The following METAP1D variants were observed in gnomAD, a reference collection of about 807,000 sequenced individuals.
METAP1D encodes methionine aminopeptidase 1D, mitochondrial.
In METAP1D, 31 loss-of-function variants were observed where a neutral mutation model predicts 40.5. That is an observed-to-expected ratio of 0.77 (90% CI 0.58 to 1.03). The LOEUF (loss-of-function observed/expected upper bound fraction) is 1.03, where lower values mean the gene tolerates loss of function less well. Ranked by LOEUF, METAP1D falls within the 50% of genes least tolerant of loss-of-function variation. METAP1D has a pLI of 0.00. For missense variants in METAP1D, 411 were observed against 420.7 expected, an observed-to-expected ratio of 0.98 and a Z score of 0.20; for synonymous variants, 151 against 146.4, an observed-to-expected ratio of 1.03 and a Z score of -0.22.
chr2:172,059,570 G>A (rs1454307492), intron 1 of METAP1D, among the ~76,000 whole-genome samples: 1 of 152,072 alleles, frequency 6.6e-6, no homozygotes, highest in Non-Finnish European at 1.5e-5. Flanking sequence ...TTTTATTTAT[G>A]GGCACCAAGA....
intron 1 of METAP1D, among the ~76,000 whole-genome samples, chr2:172,032,393 G>A (rs1004959037): frequency 1.3e-5 from 2 of 152,104 alleles, no homozygotes; most frequent in African/African-American, 4.8e-5. Context: ...AAATCATTTA[G>A]ATAGAAATAG....
rs779993475 is a variant in METAP1D at position 172,080,320 on chromosome 2, T to A, written c.930-8T>A. The A allele has an allele frequency of 6.2e-7, 1 of 1,614,110 alleles. No individual in the cohort carries two copies. Among genetic ancestry groups the A allele is most frequent in the East Asian group, 2.2e-5 (1 of 44,888 alleles). ...TGCGCGTTCTGACGGCTGGGTGCTG[T>A]GTTACAGGTCGGCGCAGTTCGAGCA... On this transcript the variant is annotated splice_polypyrimidine_tract_variant and splice_region_variant and intron_variant, in intron 9 of 9. Transcript: ENST00000315796.
At chr2:172,040,371 T>C (rs1236357651) in intron 1 of METAP1D, among the ~76,000 whole-genome samples, 1 of 152,228 alleles carries the variant, frequency 6.6e-6, no homozygotes, top group East Asian at 1.9e-4. Context: ...TTTAAAAATA[T>C]TAAAAAGTCC....
intron 8 of METAP1D, 110 bp downstream of exon 8, chr2:172,079,372 G>A (rs989906220): frequency 3.3e-5 from 32 of 971,232 alleles, no homozygotes; most frequent in Non-Finnish European, 4.9e-5. Flanking sequence ...TCAGTGTAAT[G>A]AAATAATTCG....
chr2:172,031,030 G>T (rs1689231241), intron 1 of METAP1D, among the ~76,000 whole-genome samples: 1 of 152,096 alleles, frequency 6.6e-6, no homozygotes, highest in Non-Finnish European at 1.5e-5. Flanking sequence ...TTTATTGGGA[G>T]ACTAAAGACA....
chr2:172,065,456 A>C (rs1690249829), intron 3 of METAP1D, 148 bp from the exon 4 acceptor site: 2 of 765,826 alleles, frequency 2.6e-6, no homozygotes, highest in Admixed American at 2.8e-5. Flanking sequence ...TTCTAACACT[A>C]ATCATAATTA....
chr2:172,043,068 TAC>T lies in METAP1D; in HGVS notation c.41-18429_41-18428del, dbSNP rs1198909625. Among the ~76,000 whole-genome samples the T allele has an allele frequency of 2.6e-5, 3 of 114,970 alleles. 1 individual carries two copies. The East Asian group carries it at 6.6e-4, about 25-fold the overall frequency. The allele number at this position is 114,970 out of a possible 152,430, so 75.4% of individuals were successfully genotyped here. A position where few individuals can be genotyped will look rare whatever the true frequency, so the allele number is the denominator to read the frequency against. On this transcript the variant is annotated intron_variant, in intron 1 of 9. Transcript: ENST00000315796. ...GTGTACACATATATGTGTATATATA[TAC>T]GTGTGTGTGTACATATATTTACATA...
At chr2:172,035,458 C>A (rs1025028493) in intron 1 of METAP1D, among the ~76,000 whole-genome samples, 1 of 152,148 alleles carries the variant, frequency 6.6e-6, no homozygotes, top group Non-Finnish European at 1.5e-5. Flanking sequence ...GCCACCACCC[C>A]CGGCCTACTG....
chr2:172,037,884 T>C (rs1310129579), intron 1 of METAP1D, among the ~76,000 whole-genome samples: 1 of 152,194 alleles, frequency 6.6e-6, no homozygotes, highest in Non-Finnish European at 1.5e-5. Flanking sequence ...AGACAGAGAC[T>C]TACTTCCTTT....
intron 1 of METAP1D, among the ~76,000 whole-genome samples, chr2:172,060,292 T>C (rs1410382753): frequency 6.6e-6 from 1 of 151,694 alleles, no homozygotes; most frequent in Admixed American, 6.6e-5. Flanking sequence ...AGCATGTGCC[T>C]GTGGTTCCAG....
chr2:172,009,749 A>C (rs970597830), intron 1 of METAP1D, among the ~76,000 whole-genome samples: 1 of 152,110 alleles, frequency 6.6e-6, no homozygotes, highest in Non-Finnish European at 1.5e-5. Flanking sequence ...GTGTGTTCTG[A>C]ATGTATTGGA....
intron 6 of METAP1D, among the ~76,000 whole-genome samples, chr2:172,071,383 G>A (rs1357571966): frequency 6.6e-6 from 1 of 152,168 alleles, no homozygotes; most frequent in African/African-American, 2.4e-5. Context: ...AAATATGGAA[G>A]GGAGTACCTA....
chr2:172,071,052 T>C lies in METAP1D; in HGVS notation c.686T>C (p.Val229Ala), dbSNP rs1313882628. ...TGCAGAGCAGGGGCTCCCTTCTCTG[T>C]AATTGGAAACACAATCAGGTAAGCC... Reference protein sequence around the residue: ...AACRAGAPFSVIGNTISHITH... With the variant: ...AACRAGAPFSAIGNTISHITH... Residue 229 changes from valine (V) to alanine (A), a missense_variant, in exon 6 of 10, where the codon GTA becomes GCA. Physicochemically the swap from Val to Ala is moderately conservative, Grantham distance 64 (BLOSUM62 0). Transcript: ENST00000315796. 2.5e-6 allele frequency: 4 copies of C among 1,610,530 alleles called. No individual in the cohort carries two copies. In the African/African-American group the frequency reaches 4.0e-5, roughly 16 times the overall value.
intron 1 of METAP1D, among the ~76,000 whole-genome samples, chr2:172,030,025 G>T (rs555399270): frequency 6.6e-6 from 1 of 152,056 alleles, no homozygotes; most frequent in African/African-American, 2.4e-5. Context: ...CAAGGTGCTG[G>T]GATTACAGAC....
chr2:172,016,655 A>G (rs1372457141), intron 1 of METAP1D, among the ~76,000 whole-genome samples: 1 of 151,784 alleles, frequency 6.6e-6, no homozygotes, highest in Non-Finnish European at 1.5e-5. Context: ...AAAGAAAAAT[A>G]TGAAAATAAA....
intron 1 of METAP1D, among the ~76,000 whole-genome samples, chr2:172,051,070 G>GAATTT (rs2308276): frequency 0.56 from 84,623 of 151,332 alleles, 24,110 homozygotes; most frequent in Middle Eastern, 0.65. Flanking sequence ...TTATAAAGAT[G>GAATTT]AATTTAAATT....
chr2:172,042,743 GTA>G lies in METAP1D; in HGVS notation c.41-18751_41-18750del, dbSNP rs1176429014. 1.7e-4 allele frequency among the ~76,000 whole-genome samples: 2 copies of G among 11,896 alleles called. 1 individual carries two copies. The highest frequency in any genetic ancestry group is 3.1e-4 in the African/African-American group (2 of 6,548). The allele number at this position is 11,896 out of a possible 152,430, so 7.8% of individuals were successfully genotyped here. On this transcript the variant is annotated intron_variant, in intron 1 of 9. Coordinates refer to ENST00000315796, the MANE Select transcript of METAP1D (RefSeq NM_199227.3). ...TGTGTACACATATACGTGTGTGTGT[GTA>G]TATGTACACATATACGTGTGTGTGT...
At chr2:172,022,907 C>T (rs1366709187) in intron 1 of METAP1D, among the ~76,000 whole-genome samples, 1 of 152,022 alleles carries the variant, frequency 6.6e-6, no homozygotes, top group Non-Finnish European at 1.5e-5. Context: ...TGTTTGCAGC[C>T]GGGTGTGGTG....
rs370746234 is a variant in METAP1D, at chr2:172,017,235, TACACACACACACAC to T, written c.40+17252_40+17265del. Among the ~76,000 whole-genome samples, 22 of 139,482 alleles carry T rather than the reference TACACACACACACAC, an allele frequency of 1.6e-4. 1 individual carries two copies. The highest frequency in any genetic ancestry group is 2.4e-4 in the African/African-American group (9 of 37,246). 91.5% of individuals were successfully genotyped at this position (139,482 alleles called of 152,430 possible). ...GTCTGTCTTGTTCCATGAAAGGTTT[TACACACACACACAC>T]ACACACACACACACACACACACACA... On this transcript the variant is annotated intron_variant, in intron 1 of 9. Transcript: ENST00000315796.
Sources: gnomAD v4.1 joint callset for allele counts (sites outside exome capture counted in the v4.1 genomes callset) on GRCh38, gnomAD v4.1.1 for gene constraint, MANE v1.5 for transcripts, NCBI Gene and HGNC (gene_info 2026-07-23, HGNC 2026-07-21) for gene names.